The following SYNDIG1 variants were observed in gnomAD, a reference collection of about 807,000 sequenced individuals.
SYNDIG1 encodes the protein synapse differentiation inducing 1, also known as synapse differentiation-inducing gene protein 1.
A neutral mutation model predicts 19.4 loss-of-function variants in SYNDIG1; 9 were observed. The observed-to-expected ratio is 0.46, with a 90% confidence interval of 0.28 to 0.81. The LOEUF is 0.81. Ranked by LOEUF, SYNDIG1 falls within the 30% of genes least tolerant of loss-of-function variation. The pLI is 0.12. For synonymous variants in SYNDIG1, 141 were observed against 145.9 expected (o/e 0.97, Z 0.24); for missense variants, 311 against 343.3 (o/e 0.91, Z 0.74).
chr20:24,571,188 T>A (rs2146941722), intron 2 of SYNDIG1, among the ~76,000 whole-genome samples: 1 of 152,280 alleles, frequency 6.6e-6, no homozygotes, highest in Non-Finnish European at 1.5e-5. Context: ...CATTTCTGTA[T>A]CTTGGCATAC....
At chr20:24,516,033 C>T (rs2056854970) in intron 1 of SYNDIG1, among the ~76,000 whole-genome samples, 1 of 152,098 alleles carries the variant, frequency 6.6e-6, no homozygotes, top group African/African-American at 2.4e-5. Flanking sequence ...GAAATAATAC[C>T]ACACATCTAC....
chr20:24,517,745 A>ATGTG (rs374171218), intron 1 of SYNDIG1, among the ~76,000 whole-genome samples: 4 of 140,376 alleles, frequency 2.8e-5, no homozygotes, highest in Non-Finnish European at 4.6e-5. Context: ...ATATATGTGT[A>ATGTG]TGTGTGTGTG....
chr20:24,644,036 A>G (rs575022254), intron 3 of SYNDIG1, among the ~76,000 whole-genome samples: 47 of 152,386 alleles, frequency 3.1e-4, no homozygotes, highest in African/African-American at 1.1e-3. Context: ...GCCAAAGAAG[A>G]AAAAGAGAAT....
intron 3 of SYNDIG1, among the ~76,000 whole-genome samples, chr20:24,638,029 G>A (rs558661090): frequency 2.5e-4 from 38 of 152,238 alleles, no homozygotes; most frequent in Non-Finnish European, 4.7e-4. Flanking sequence ...TCCAGTGTCC[G>A]AGAGAGTGTT....
Position 24,577,104 on chromosome 20 carries a change from G to A in SYNDIG1, c.481-7752G>A, listed in dbSNP as rs1018117785. Among the ~76,000 whole-genome samples the A allele has an allele frequency of 1.7e-4, 26 of 152,282 alleles. No homozygotes were observed. The East Asian group carries it at 4.3e-3, about 25-fold the overall frequency. On this transcript the variant is annotated intron_variant, in intron 2 of 3. Transcript: ENST00000376862. Reference sequence around the variant, plus strand: ...TGATTGGTCAGTAATTTAGGGCAATGTGTGTTCAAATATGAAAACAGGGTT... The same window carrying A: ...TGATTGGTCAGTAATTTAGGGCAATATGTGTTCAAATATGAAAACAGGGTT...
At chr20:24,661,722 G>A (rs1291866061) in intron 3 of SYNDIG1, among the ~76,000 whole-genome samples, 2 of 152,012 alleles carry the variant, frequency 1.3e-5, no homozygotes, top group Non-Finnish European at 2.9e-5. Context: ...GGAGACACGA[G>A]GGGACTGGGC....
chr20:24,640,147 A>C (rs1318866511), intron 3 of SYNDIG1, among the ~76,000 whole-genome samples: 1 of 152,114 alleles, frequency 6.6e-6, no homozygotes, highest in Admixed American at 6.5e-5. Flanking sequence ...TAGCCTGGTC[A>C]ACATGGTAAA....
rs370206782 is a variant in SYNDIG1, at chr20:24,487,879, C to T, written c.-79+18126C>T. ...GAGCACTACAAGGAAGCGAAAGTGGCGATGGACCCATTCTGAGGTGGTACA... is the reference window on the plus strand; with the variant it reads ...GAGCACTACAAGGAAGCGAAAGTGGTGATGGACCCATTCTGAGGTGGTACA... On this transcript the variant is annotated intron_variant, in intron 1 of 3. Coordinates refer to ENST00000376862, the MANE Select transcript of SYNDIG1 (RefSeq NM_024893.3). 1.4e-4 allele frequency among the ~76,000 whole-genome samples: 21 copies of T among 152,194 alleles called. No homozygotes were observed. The East Asian group carries it at 1.9e-3, about 14-fold the overall frequency.
chr20:24,565,922 A>G (rs1449237130), intron 2 of SYNDIG1, among the ~76,000 whole-genome samples: 5 of 151,838 alleles, frequency 3.3e-5, no homozygotes, highest in African/African-American at 1.2e-4. Flanking sequence ...CTCCATTTAA[A>G]TGCCATTATT....
intron 3 of SYNDIG1, among the ~76,000 whole-genome samples, chr20:24,639,984 AAC>A (rs2059354683): frequency 6.6e-6 from 1 of 152,234 alleles, no homozygotes; most frequent in Non-Finnish European, 1.5e-5. Context: ...TCTAGTAAAT[AAC>A]ACTACATATT....
intron 1 of SYNDIG1, among the ~76,000 whole-genome samples, chr20:24,541,199 C>T (rs2057461202): frequency 1.3e-5 from 2 of 152,098 alleles, no homozygotes; most frequent in South Asian, 4.1e-4. Flanking sequence ...TCTCTGGCCT[C>T]GTGACTTTTA....
intron 3 of SYNDIG1, among the ~76,000 whole-genome samples, chr20:24,623,416 G>A (rs2147244697): frequency 6.6e-6 from 1 of 152,140 alleles, no homozygotes; most frequent in South Asian, 2.1e-4. Flanking sequence ...TCTTCAAACA[G>A]AAGGAAAATG....
chr20:24,518,908 G>A (rs1223740144), intron 1 of SYNDIG1, among the ~76,000 whole-genome samples: 3 of 152,206 alleles, frequency 2.0e-5, no homozygotes, highest in Non-Finnish European at 4.4e-5. Flanking sequence ...GACACACCCC[G>A]AGGAAGCAGG....
intron 3 of SYNDIG1, among the ~76,000 whole-genome samples, chr20:24,619,957 C>T (rs2059013842): frequency 6.6e-6 from 1 of 152,142 alleles, no homozygotes; most frequent in Non-Finnish European, 1.5e-5. Context: ...GAAACTGAGG[C>T]CGTGGGAGTT....
rs2059555081 is a variant in SYNDIG1, at chr20:24,658,747, G to A, written c.619-6599G>A. ...GGCAACGCCCAGAGCTTCGTTTCAG[G>A]CGTTCACCACAGGCTCTTCTCCCAG... is the stretch of plus-strand genomic sequence containing the variant. On this transcript the variant is annotated intron_variant, in intron 3 of 3. Coordinates refer to ENST00000376862, the MANE Select transcript of SYNDIG1 (RefSeq NM_024893.3). This position sits in a 1 kb window ranked among gnomAD's most constrained non-coding sequence, Gnocchi z 4.4. Among the ~76,000 whole-genome samples the A allele has an allele frequency of 6.6e-6, 1 of 152,088 alleles. No homozygotes were observed. Among genetic ancestry groups the A allele is most frequent in the African/African-American group, 2.4e-5 (1 of 41,400 alleles).
intron 3 of SYNDIG1, among the ~76,000 whole-genome samples, chr20:24,661,038 C>T (rs1313044693): frequency 1.3e-5 from 2 of 152,260 alleles, no homozygotes; most frequent in Middle Eastern, 6.3e-3. Context: ...AAATGCCTTC[C>T]TTCTGTGGAT....
chr20:24,515,182 T>C (rs907004896), intron 1 of SYNDIG1, among the ~76,000 whole-genome samples: 10 of 152,098 alleles, frequency 6.6e-5, no homozygotes, highest in South Asian at 2.1e-4. Flanking sequence ...AGGAAAGATC[T>C]AAAATTGACA....
At chr20:24,536,685 G>A (rs568755551) in intron 1 of SYNDIG1, among the ~76,000 whole-genome samples, 47 of 152,216 alleles carry the variant, frequency 3.1e-4, no homozygotes, top group African/African-American at 9.9e-4. Flanking sequence ...GAGCCCCAGC[G>A]CACTTTCATT....
At chr20:24,582,473 C>T (rs1290802801) in intron 2 of SYNDIG1, among the ~76,000 whole-genome samples, 1 of 145,420 alleles carries the variant, frequency 6.9e-6, no homozygotes, top group Non-Finnish European at 1.5e-5. Context: ...CACGTGCTTC[C>T]CCCTGCATGT....
Sources: gnomAD v4.1 joint callset for allele counts (sites outside exome capture counted in the v4.1 genomes callset) on GRCh38, gnomAD v4.1.1 for gene constraint, Gnocchi (gnomAD v3.1) non-coding constraint, MANE v1.5 for transcripts, NCBI Gene and HGNC (gene_info 2026-07-23, HGNC 2026-07-21) for gene names.